Variants in ECHDC2 observed in about 807,000 individuals in gnomAD.
The protein encoded by ECHDC2 is enoyl-CoA hydratase domain-containing protein 2, mitochondrial.
Under a neutral mutation model 40.6 loss-of-function variants are expected in ECHDC2, and 34 were observed. That is an observed-to-expected ratio of 0.84 (90% confidence interval 0.64 to 1.11). ECHDC2 has a LOEUF of 1.11. Among genes scored for constraint, ECHDC2 ranks in the 50% most tolerant of loss-of-function variants. The pLI is 0.00. For missense variants in ECHDC2, 392 were observed against 400.7 expected (o/e 0.98, Z 0.19); for synonymous variants, 162 against 166.6 (o/e 0.97, Z 0.21).
intron 3 of ECHDC2, among the ~76,000 whole-genome samples, chr1:52,909,808 A>G (rs188162932): frequency 5.3e-5 from 8 of 152,288 alleles, no homozygotes; most frequent in Admixed American, 5.2e-4. Flanking sequence ...CGGTTGGTTG[A>G]GTCTGTGGGT....
chr1:52,899,570 C>A, intron 7 of ECHDC2: 1 of 254,292 alleles, frequency 3.9e-6, no homozygotes, highest in Non-Finnish European at 7.5e-6. Flanking sequence ...GATGACCCAG[C>A]TGTGATTTTA....
intron 1 of ECHDC2, among the ~76,000 whole-genome samples, chr1:52,916,370 C>T (rs1323288972): frequency 6.6e-6 from 1 of 152,120 alleles, no homozygotes; most frequent in East Asian, 1.9e-4. Flanking sequence ...CTACATCTCC[C>T]TCTCGGAATA....
At position 52,907,727 on chromosome 1, in the gene ECHDC2, C is replaced by A. The variant is rs569030117; in HGVS notation, c.364+141G>T. Reference sequence around the variant, plus strand: ...AGAACTGCCCTCGGTCATCCTCCTCCATCCCCCTGGGTGAGTCATCTGTCT... The same window carrying A: ...AGAACTGCCCTCGGTCATCCTCCTCAATCCCCCTGGGTGAGTCATCTGTCT... On this transcript the variant is annotated intron_variant, in intron 4 of 9. Transcript: ENST00000371522. The A allele has an allele frequency of 3.4e-5, 24 of 696,812 alleles. No individual in the cohort carries two copies. The South Asian group carries it at 4.6e-4, about 13-fold the overall frequency. The allele number at this position is 696,812 out of a possible 1,614,324, so 43.2% of individuals were successfully genotyped here.
chr1:52,920,608 G>C, intron 1 of ECHDC2: 1 of 1,062,690 alleles, frequency 9.4e-7, no homozygotes, highest in Admixed American at 1.8e-5. Flanking sequence ...GCTGTTCCCT[G>C]TGCCTAAGGA....
chr1:52,907,284 T>C (rs906950533), intron 4 of ECHDC2: 1 of 152,448 alleles, frequency 6.6e-6, no homozygotes, highest in Non-Finnish European at 1.5e-5. Flanking sequence ...GGATGATCCC[T>C]GTTCAGGCCT....
chr1:52,899,329 C>T, intron 7 of ECHDC2, 105 bp from the exon 8 acceptor site: 7 of 1,044,878 alleles, frequency 6.7e-6, no homozygotes, highest in Middle Eastern at 2.1e-4. Context: ...ATGTCTGGGT[C>T]TGGTTCCAGC....
chr1:52,918,313 G>GGTGAGCCACTGTACCTGGCCTGGGCCGT (rs1651150314), intron 1 of ECHDC2, among the ~76,000 whole-genome samples: 1 of 151,508 alleles, frequency 6.6e-6, no homozygotes, highest in African/African-American at 2.4e-5. Flanking sequence ...GAGTGAGCCA[G>GGTGAGCCACTGTACCTGGCCTGGGCCGT]GTGAGCCACT....
intron 9 of ECHDC2, 25 bp downstream of exon 9, chr1:52,897,412 C>T (rs1471200968): frequency 3.1e-6 from 5 of 1,612,892 alleles, no homozygotes; most frequent in South Asian, 1.1e-5. Flanking sequence ...TGTTAACAAG[C>T]AGGCATGGGC....
chr1:52,906,744 T>A, intron 4 of ECHDC2, 133 bp from the exon 5 acceptor site: 1 of 554,052 alleles, frequency 1.8e-6, no homozygotes, highest in Non-Finnish European at 3.2e-6. Context: ...ACATGGAACC[T>A]CAGCCAGGTT....
intron 1 of ECHDC2, among the ~76,000 whole-genome samples, chr1:52,918,567 A>G (rs1388920214): frequency 1.3e-5 from 2 of 152,142 alleles, no homozygotes; most frequent in African/African-American, 2.4e-5. Flanking sequence ...GTTTTTAACA[A>G]AAAAAGTTTA....
At position 52,899,107 on chromosome 1, in the gene ECHDC2, T is replaced by A. The variant is rs2150034837; in HGVS notation, c.753+67A>T. The A allele has an allele frequency of 6.6e-6, 10 of 1,524,320 alleles. No individual in the cohort carries two copies. In the South Asian group the frequency reaches 1.0e-4, roughly 15 times the overall value. The allele number at this position is 1,524,320 out of a possible 1,614,324, so 94.4% of individuals were successfully genotyped here. A position where few individuals can be genotyped will look rare whatever the true frequency, so the allele number is the denominator to read the frequency against. On this transcript the variant is annotated intron_variant, in intron 8 of 9. Transcript: ENST00000371522. ...TTTCCCAGCTGTGCTGTCTGAGCTC[T>A]GAAAGCACTGTGTCCCAGCCGCGAC...
intron 1 of ECHDC2, chr1:52,920,336 C>G (rs886415816): frequency 1.7e-5 from 11 of 648,814 alleles, no homozygotes; most frequent in Non-Finnish European, 3.0e-5. Context: ...ATGGCAAAGC[C>G]CCGCTTCAAA....
At chr1:52,917,708 G>A in intron 1 of ECHDC2, 2 of 452,562 alleles carry the variant, frequency 4.4e-6, no homozygotes, top group Admixed American at 2.4e-5. Flanking sequence ...AGACATATAA[G>A]TCCCATCAGA....
At chr1:52,897,189 T>G in intron 9 of ECHDC2, 1 of 567,824 alleles carries the variant, frequency 1.8e-6, no homozygotes, top group Admixed American at 3.0e-5. Context: ...TAAGGACCTG[T>G]GTTCTGTGAT....
At position 52,913,863 on chromosome 1, in the gene ECHDC2, C is replaced by T. The variant is rs915655229; in HGVS notation, c.122-2073G>A. 13 of 1,050,230 alleles carry T rather than the reference C, an allele frequency of 1.2e-5. No individual in the cohort carries two copies. The African/African-American group carries it at 1.3e-4, about 11-fold the overall frequency. 65.1% of individuals were successfully genotyped at this position (1,050,230 alleles called of 1,614,324 possible). On this transcript the variant is annotated intron_variant, in intron 1 of 9. Coordinates refer to ENST00000371522, the MANE Select transcript of ECHDC2 (RefSeq NM_001198961.2). Reference sequence around the variant, plus strand: ...GCATAATGACACGTATCTGCCTTGGCTTTGGCAGGCCCCCATTCTCCTTCC... The same window carrying T: ...GCATAATGACACGTATCTGCCTTGGTTTTGGCAGGCCCCCATTCTCCTTCC...
At chr1:52,920,254 C>T (rs955038631) in intron 1 of ECHDC2, among the ~76,000 whole-genome samples, 7 of 152,100 alleles carry the variant, frequency 4.6e-5, no homozygotes, top group African/African-American at 1.4e-4. Flanking sequence ...GTGGCCTGTC[C>T]GTGTCCACTG....
chr1:52,913,123 G>C (rs1480389137), intron 1 of ECHDC2: 1 of 152,186 alleles, frequency 6.6e-6, no homozygotes. Flanking sequence ...CTTTCCCTCA[G>C]AGATTATCTG....
intron 1 of ECHDC2, chr1:52,917,490 A>G: frequency 2.2e-6 from 1 of 450,708 alleles, no homozygotes; most frequent in South Asian, 1.6e-5. Context: ...GCAGAAAGGA[A>G]GGAAGAGGAG....
chr1:52,906,461 GTT>G, intron 5 of ECHDC2, 56 bp downstream of exon 5: 1 of 1,391,160 alleles, frequency 7.2e-7, no homozygotes, highest in Non-Finnish European at 1.0e-6. Context: ...GACTCACCCT[GTT>G]TCACTCACCC....
Sources: allele counts gnomAD v4.1 joint callset (sites outside exome capture counted in the v4.1 genomes callset), GRCh38; gene constraint gnomAD v4.1.1; transcripts MANE v1.5; gene names NCBI Gene and HGNC (gene_info 2026-07-23, HGNC 2026-07-21).